Variants in MACF1 observed in about 807,000 individuals in gnomAD.
MACF1 encodes the protein microtubule actin crosslinking factor 1, also known as microtubule-actin cross-linking factor 1.
MACF1 carries 193 observed loss-of-function variants against 854.8 expected under a neutral mutation model. The ratio of observed to expected loss-of-function variants is 0.23; its 90% CI spans 0.20 to 0.25. MACF1 has a LOEUF of 0.25. MACF1 is among the 10% of genes least tolerant of loss of function. The pLI is 1.00. For missense variants in MACF1, 7,722 were observed against 8,929.1 expected, an observed-to-expected ratio of 0.86 and a Z score of 5.45; for synonymous variants, 3,185 against 3,226.7, an observed-to-expected ratio of 0.99 and a Z score of 0.44.
chr1:39,448,560 T>C, intron 83 of MACF1, 34 bp from the exon 84 acceptor site: 2 of 1,458,322 alleles, frequency 1.4e-6, no homozygotes, highest in Non-Finnish European at 1.8e-6. Flanking sequence ...CGTCTGACTT[T>C]TAACACTTTT....
intron 40 of MACF1, 73 bp downstream of exon 40, chr1:39,341,026 C>T (rs1317691870): frequency 7.2e-6 from 9 of 1,249,716 alleles, no homozygotes; most frequent in African/African-American, 1.5e-5. Flanking sequence ...AACCAATATC[C>T]ATATTTATCT....
In MACF1 at chr1:39,387,684, A is replaced by G. The variant is rs748972209; in HGVS notation, c.14842A>G (p.Met4948Val). ...LESSLLRSKA[M>V]LNEVEKRRSL... Reference sequence around the variant, plus strand: ...GTCCAGTCTCCTAAGATCAAAGGCTATGCTGAATGAGGTGGAGAAGCGCCG... The same window carrying G: ...GTCCAGTCTCCTAAGATCAAAGGCTGTGCTGAATGAGGTGGAGAAGCGCCG... The change falls in exon 58 of 101, where the codon ATG (methionine) becomes GTG (valine). Residue 4948 changes from methionine (M) to valine (V), a missense_variant. Transcript: ENST00000564288. 9.1e-5 allele frequency: 147 copies of G among 1,614,060 alleles called. No individual in the cohort carries two copies. Among genetic ancestry groups the G allele is most frequent in the Non-Finnish European group, 8.8e-5 (104 of 1,180,038 alleles).
intron 2 of MACF1, among the ~76,000 whole-genome samples, chr1:39,182,654 A>C (rs1644120078): frequency 6.6e-6 from 1 of 152,252 alleles, no homozygotes; most frequent in Non-Finnish European, 1.5e-5. Flanking sequence ...AATCAAGATC[A>C]CAATGAGATA....
rs1409134183 is a variant in MACF1, at chr1:39,441,991, T to C, written c.18712T>C (p.Cys6238Arg). The C allele has an allele frequency of 6.2e-7, 1 of 1,614,178 alleles. No individual in the cohort carries two copies. The highest frequency in any genetic ancestry group is 8.5e-7 in the Non-Finnish European group (1 of 1,180,018). ...DWLDNTVIKL[C>R]TMPPVGTDLN... ...GCTAGATAACACTGTGATTAAACTC[T>C]GCACCATGCCCCCTGTTGGCACTGA... Residue 6238 changes from cysteine (C) to arginine (R), a missense_variant, in exon 75 of 101, where the codon TGC becomes CGC. Cys to Arg is a radical substitution (Grantham distance 180). Around this residue, in one of 15 missense-constraint regions of MACF1, gnomAD observed 2,807 missense variants for 3,235.8 expected, o/e 0.87. Coordinates refer to ENST00000564288, the MANE Select transcript of MACF1 (RefSeq NM_001394062.1).
At chr1:39,435,529 CATT>C in intron 69 of MACF1, 26 bp from the exon 70 acceptor site, 1 of 1,547,842 alleles carries the variant, frequency 6.5e-7, no homozygotes, top group Non-Finnish European at 8.9e-7. Context: ...TAAAAGTACT[CATT>C]ATGGTTTAAT....
chr1:39,469,760 C>G (rs1010610442), intron 97 of MACF1, 145 bp downstream of exon 97: 3 of 669,722 alleles, frequency 4.5e-6, no homozygotes, highest in Non-Finnish European at 8.0e-6. Flanking sequence ...TTTCTAACTA[C>G]TCAAGTTGAT....
rs1222928510 is a variant in MACF1 at position 39,333,705 on chromosome 1, G to A, written c.7117G>A (p.Val2373Ile). The change falls in exon 37 of 101, where the codon GTC becomes ATC. Residue 2373 changes from valine (V) to isoleucine (I), a missense_variant. By Grantham distance (29) the Val-to-Ile change is conservative. Transcript: ENST00000564288. ...CATGGCAGACAAAGCTATAAGTGGTGTCTTAGACCCCCGTACCCAGACACT... is the reference window on the plus strand; with the variant it reads ...CATGGCAGACAAAGCTATAAGTGGTATCTTAGACCCCCGTACCCAGACACT... ...VLMADKAISG[V>I]LDPRTQTLCS... The A allele has an allele frequency of 3.1e-6, 5 of 1,614,216 alleles. No individual in the cohort carries two copies. The highest frequency in any genetic ancestry group is 4.2e-6 in the Non-Finnish European group (5 of 1,180,032).
At chr1:39,476,718 C>T (rs1211476176) in intron 97 of MACF1, among the ~76,000 whole-genome samples, 1 of 151,992 alleles carries the variant, frequency 6.6e-6, no homozygotes, top group African/African-American at 2.4e-5. Context: ...AATTCACATC[C>T]ATATGATGAA....
At chr1:39,404,149 G>GTAAGTAAGTAAATAAATAAA (rs565389591) in intron 58 of MACF1, among the ~76,000 whole-genome samples, 23 of 148,538 alleles carry the variant, frequency 1.5e-4, no homozygotes, top group African/African-American at 5.7e-4. Context: ...AAATAAGTAA[G>GTAAGTAAGTAAATAAATAAA]TAAATAAATA....
chr1:39,324,492 G>A (rs968775758), intron 34 of MACF1, 147 bp downstream of exon 34: 9 of 1,154,356 alleles, frequency 7.8e-6, no homozygotes, highest in Non-Finnish European at 1.1e-5. Flanking sequence ...CATCTTGTTT[G>A]TTCTTGTACC....
intron 23 of MACF1, among the ~76,000 whole-genome samples, chr1:39,307,369 C>T (rs893871496): frequency 2.6e-5 from 4 of 151,628 alleles, no homozygotes; most frequent in Admixed American, 1.3e-4. Flanking sequence ...GTTTATCGTT[C>T]ACCACTATCA....
chr1:39,444,637 A>G lies in MACF1; in HGVS notation c.19432-25A>G, dbSNP rs534847634. The stretch of plus-strand genomic sequence containing the variant: ...GTCTTCCAGAGAATTCGTAGAATTG[A>G]TATCTTTCCTGCCTTTTCTTGTAGG... On this transcript the variant is annotated intron_variant, in intron 79 of 100. Transcript: ENST00000564288. 19 of 1,593,840 alleles carry G rather than the reference A, an allele frequency of 1.2e-5. No individual in the cohort carries two copies. In the East Asian group the frequency reaches 3.8e-4, roughly 32 times the overall value.
At chr1:39,413,132 C>T (rs1376070195) in intron 58 of MACF1, 1 of 1,611,510 alleles carries the variant, frequency 6.2e-7, no homozygotes, top group Non-Finnish European at 8.5e-7. Flanking sequence ...CCAGAGTGGG[C>T]TGCTTTAGCT....
intron 30 of MACF1, among the ~76,000 whole-genome samples, chr1:39,318,949 T>C (rs1646462562): frequency 6.6e-6 from 1 of 152,110 alleles, no homozygotes; most frequent in South Asian, 2.1e-4. Flanking sequence ...AAATTGTAAG[T>C]AGAAGAAAAT....
intron 2 of MACF1, among the ~76,000 whole-genome samples, chr1:39,094,254 G>T (rs1473504972): frequency 2.6e-5 from 4 of 151,960 alleles, no homozygotes; most frequent in African/African-American, 9.7e-5. Flanking sequence ...AGACCAGCCT[G>T]GATAATATAG....
chr1:39,450,204 A>G (rs1348004767), intron 84 of MACF1, among the ~76,000 whole-genome samples: 1 of 151,996 alleles, frequency 6.6e-6, no homozygotes, highest in Non-Finnish European at 1.5e-5. Context: ...GCTATTGTCC[A>G]GGCTGTTCTG....
At chr1:39,193,791 GGAGAGAGA>G (rs147540075) in intron 2 of MACF1, among the ~76,000 whole-genome samples, 20 of 149,078 alleles carry the variant, frequency 1.3e-4, no homozygotes, top group African/African-American at 4.9e-4. Context: ...AGAGAGAGAG[GGAGAGAGA>G]GAGAGAGAGA....
intron 2 of MACF1, among the ~76,000 whole-genome samples, chr1:39,181,559 C>T (rs1160720872): frequency 6.6e-6 from 1 of 151,972 alleles, no homozygotes; most frequent in African/African-American, 2.4e-5. Flanking sequence ...GCAAGCTGCT[C>T]CTGAAATTCA....
intron 44 of MACF1, among the ~76,000 whole-genome samples, chr1:39,356,034 G>A (rs549799991): frequency 3.1e-4 from 47 of 152,256 alleles, no homozygotes; most frequent in African/African-American, 1.1e-3. Flanking sequence ...AAAACTAGAC[G>A]ATGATCTGTA....
Sources: gnomAD v4.1 joint callset for allele counts (sites outside exome capture counted in the v4.1 genomes callset) on GRCh38, gnomAD v4.1.1 for gene constraint, gnomAD v4.1.1 regional missense constraint, MANE v1.5 for transcripts, NCBI Gene and HGNC (gene_info 2026-07-23, HGNC 2026-07-21) for gene names.